The following PACS2 variants were observed in gnomAD, a reference collection of about 807,000 sequenced individuals.
PACS2 encodes phosphofurin acidic cluster sorting protein 2.
In PACS2, 36 loss-of-function variants were observed where a neutral mutation model predicts 113.0. The observed-to-expected ratio is 0.32, with a 90% CI of 0.24 to 0.42. The LOEUF (loss-of-function observed/expected upper bound fraction) is 0.42, where lower values mean the gene tolerates loss of function less well. PACS2 is among the 10% of genes least tolerant of loss of function. The pLI is 1.00. For missense variants in PACS2, 1,015 were observed against 1,239.5 expected (o/e 0.82, Z 2.72); for synonymous variants, 589 against 536.1 (o/e 1.10, Z -1.36).
chr14:105,325,010 G>A (rs1004675653), intron 1 of PACS2, among the ~76,000 whole-genome samples: 18 of 152,106 alleles, frequency 1.2e-4, no homozygotes, highest in African/African-American at 4.1e-4. Context: ...TGGCTGTTCC[G>A]CTCCACTGCC....
intron 1 of PACS2, among the ~76,000 whole-genome samples, chr14:105,332,497 G>C (rs886406436): frequency 6.6e-6 from 1 of 152,224 alleles, no homozygotes; most frequent in East Asian, 1.9e-4. Flanking sequence ...AGTTGGGATT[G>C]TGAAAACCCC....
chr14:105,316,348 C>T (rs1027764981), intron 1 of PACS2, among the ~76,000 whole-genome samples: 2 of 152,246 alleles, frequency 1.3e-5, no homozygotes, highest in African/African-American at 4.8e-5. Flanking sequence ...CCAGGAGCAT[C>T]TCCCCAGGCC....
At chr14:105,313,223 G>A (rs959454271), upstream of PACS2, among the ~76,000 whole-genome samples, 3 of 152,218 alleles carry the variant, frequency 2.0e-5, no homozygotes, top group Non-Finnish European at 4.4e-5. Flanking sequence ...CGCTCGCCAG[G>A]TCCAGCAGCG....
chr14:105,397,111 C>T lies in PACS2; in HGVS notation c.*2439C>T, dbSNP rs2081550210. ...TGCTGGGCTGTGGGTCTGCCCTGCA[C>T]CCAGGAGCCCCACGGTCCATCCCCC... On this transcript the variant is annotated 3_prime_UTR_variant, in exon 25 of 25. Coordinates refer to ENST00000447393, the MANE Select transcript of PACS2 (RefSeq NM_001100913.3). The T allele has an allele frequency of 6.6e-6, 1 of 152,288 alleles. No individual in the cohort carries two copies. Among genetic ancestry groups the T allele is most frequent in the African/African-American group, 2.4e-5 (1 of 41,444 alleles). 9.4% of individuals were successfully genotyped at this position (152,288 alleles called of 1,614,324 possible).
At position 105,324,932 on chromosome 14, in the gene PACS2, A is replaced by G. The variant is rs1332961723; in HGVS notation, c.119+9895A>G. ...AAATGGGCAAGGGAAGACACTGGGGAAGGGGTGGGTCTGCCCTTCCTGCTG... is the reference window on the plus strand; with the variant it reads ...AAATGGGCAAGGGAAGACACTGGGGGAGGGGTGGGTCTGCCCTTCCTGCTG... On this transcript the variant is annotated intron_variant, in intron 1 of 24. Transcript: ENST00000447393. This position sits in a 1 kb window ranked among gnomAD's most constrained non-coding sequence, Gnocchi z 4.7. Among the ~76,000 whole-genome samples, 2 of 151,942 alleles carry G rather than the reference A, an allele frequency of 1.3e-5. No homozygotes were observed. The highest frequency in any genetic ancestry group is 2.9e-5 in the Non-Finnish European group (2 of 67,938).
intron 1 of PACS2, among the ~76,000 whole-genome samples, chr14:105,306,994 G>C (rs982714060): frequency 1.3e-5 from 2 of 152,168 alleles, no homozygotes; most frequent in Non-Finnish European, 1.5e-5. Flanking sequence ...CTAATTCCTA[G>C]AGACAGCTGA....
At chr14:105,335,055 T>C (rs1444866400) in intron 1 of PACS2, among the ~76,000 whole-genome samples, 2 of 152,298 alleles carry the variant, frequency 1.3e-5, no homozygotes, top group East Asian at 3.9e-4. Context: ...GAGACAGAAG[T>C]ACAGGCCCAG....
chr14:105,321,267 C>T (rs114775967), intron 1 of PACS2, among the ~76,000 whole-genome samples: 2,185 of 152,222 alleles, frequency 0.014, 61 homozygotes, highest in African/African-American at 0.05. Flanking sequence ...TCTTCAAGTC[C>T]GTTCCCTTTT....
intron 19 of PACS2, 188 bp from the exon 20 acceptor site, chr14:105,389,773 C>G (rs2081295175): frequency 1.6e-6 from 1 of 636,284 alleles, no homozygotes; most frequent in East Asian, 2.6e-5. Context: ...TCCTGGGGGC[C>G]AGGCCAGGGC....
chr14:105,361,818 A>AGG (rs1204245307), intron 4 of PACS2, among the ~76,000 whole-genome samples: 1 of 151,994 alleles, frequency 6.6e-6, no homozygotes, highest in Non-Finnish European at 1.5e-5. Flanking sequence ...GTGTGGTGGC[A>AGG]CATGCCTGTA....
At chr14:105,353,969 C>G (rs906346262) in intron 3 of PACS2, among the ~76,000 whole-genome samples, 9 of 151,244 alleles carry the variant, frequency 6.0e-5, no homozygotes, top group Non-Finnish European at 1.0e-4. Context: ...CCCAGCACTT[C>G]GGGAGGCCGA....
At chr14:105,332,437 G>A (rs2059338722) in intron 1 of PACS2, among the ~76,000 whole-genome samples, 2 of 152,182 alleles carry the variant, frequency 1.3e-5, no homozygotes, top group African/African-American at 4.8e-5. Context: ...CTGTGTTCAG[G>A]GTGTGCCTGT....
intron 2 of PACS2, among the ~76,000 whole-genome samples, chr14:105,351,164 G>C (rs74090505): frequency 6.6e-6 from 1 of 152,330 alleles, no homozygotes; most frequent in African/African-American, 2.4e-5. Context: ...CTTGTGCCTG[G>C]GACCCCGCAG....
intron 4 of PACS2, among the ~76,000 whole-genome samples, chr14:105,364,390 GGGC>G (rs2060860384): frequency 7.6e-6 from 1 of 132,348 alleles, no homozygotes; most frequent in Non-Finnish European, 1.6e-5. Flanking sequence ...GGTGCGCGGT[GGGC>G]GGTGTCCCGG....
intron 4 of PACS2, 84 bp from the exon 5 acceptor site, chr14:105,367,129 C>G: frequency 1.5e-6 from 2 of 1,314,138 alleles, no homozygotes; most frequent in Non-Finnish European, 2.1e-6. Context: ...AGAGAAAGCC[C>G]TTCAGAAACC....
chr14:105,335,836 C>T lies in PACS2; in HGVS notation c.120-12657C>T, dbSNP rs186606227. On this transcript the variant is annotated intron_variant, in intron 1 of 24. Coordinates refer to ENST00000447393, the MANE Select transcript of PACS2 (RefSeq NM_001100913.3). ...GAGCTGGCAGCCGCCCTCGGCCGCCCGGGCGAGCCTTGGGACGGGCTGGGT... is the reference window on the plus strand; with the variant it reads ...GAGCTGGCAGCCGCCCTCGGCCGCCTGGGCGAGCCTTGGGACGGGCTGGGT... 2.4e-3 allele frequency among the ~76,000 whole-genome samples: 362 copies of T among 152,336 alleles called. 2 individuals are homozygous for T. Among genetic ancestry groups the T allele is most frequent in the African/African-American group, 8.2e-3 (343 of 41,582 alleles).
intron 1 of PACS2, among the ~76,000 whole-genome samples, chr14:105,343,753 T>G (rs1190271600): frequency 6.6e-6 from 1 of 151,746 alleles, no homozygotes; most frequent in Non-Finnish European, 1.5e-5. Flanking sequence ...TAGAGTGCAG[T>G]GGCGCGACCT....
chr14:105,383,057 T>G, intron 15 of PACS2, 144 bp downstream of exon 15: 1 of 635,042 alleles, frequency 1.6e-6, no homozygotes, highest in East Asian at 2.7e-5. Flanking sequence ...CATGCGCTCT[T>G]CGCAGCCTGG....
chr14:105,364,448 G>A (rs1333811653), intron 4 of PACS2, among the ~76,000 whole-genome samples: 2 of 137,164 alleles, frequency 1.5e-5, no homozygotes, highest in African/African-American at 5.6e-5. Flanking sequence ...GCGGCGTCCC[G>A]GGTGCGCGGT....
Sources: allele counts gnomAD v4.1 joint callset (sites outside exome capture counted in the v4.1 genomes callset), GRCh38; gene constraint gnomAD v4.1.1; non-coding constraint Gnocchi (gnomAD v3.1); transcripts MANE v1.5; gene names NCBI Gene and HGNC (gene_info 2026-07-23, HGNC 2026-07-21).